The following ARHGAP26 variants were observed in gnomAD, a reference collection of about 807,000 sequenced individuals.
ARHGAP26 encodes Rho GTPase activating protein 26.
In ARHGAP26, 38 loss-of-function variants were observed where a neutral mutation model predicts 104.8. That is an observed-to-expected ratio of 0.36 (90% confidence interval 0.28 to 0.48). The LOEUF (loss-of-function observed/expected upper bound fraction) is 0.48. Among genes scored for constraint, ARHGAP26 ranks in the 20% least tolerant of loss-of-function variants. The pLI, the probability that ARHGAP26 is intolerant of heterozygous loss-of-function variation, is 0.99. For missense variants in ARHGAP26, 704 were observed against 947.9 expected (o/e 0.74, Z 3.38); for synonymous variants, 341 against 340.0 (o/e 1.00, Z -0.03).
intron 17 of ARHGAP26, among the ~76,000 whole-genome samples, chr5:143,089,901 C>T (rs1181560837): frequency 6.6e-6 from 1 of 152,066 alleles, no homozygotes; most frequent in Non-Finnish European, 1.5e-5. Flanking sequence ...TGATGAAATG[C>T]CAGGGTGAAA....
At chr5:142,929,798 A>G (rs1344172024) in intron 10 of ARHGAP26, among the ~76,000 whole-genome samples, 1 of 152,180 alleles carries the variant, frequency 6.6e-6, no homozygotes. Flanking sequence ...AGACCTTGGT[A>G]TGTAGACAGC....
intron 11 of ARHGAP26, among the ~76,000 whole-genome samples, chr5:142,974,886 C>T (rs1180867685): frequency 1.3e-5 from 2 of 152,156 alleles, no homozygotes; most frequent in Non-Finnish European, 2.9e-5. Context: ...TTTTGCTAGC[C>T]TCCCTTGTTC....
At chr5:142,797,470 G>T (rs1460907070) in intron 1 of ARHGAP26, among the ~76,000 whole-genome samples, 2 of 152,206 alleles carry the variant, frequency 1.3e-5, no homozygotes, top group South Asian at 2.1e-4. Context: ...GGAAGCTTTG[G>T]CAGAGACTTG....
At chr5:142,833,572 A>C (rs1412714666) in intron 1 of ARHGAP26, among the ~76,000 whole-genome samples, 1 of 152,146 alleles carries the variant, frequency 6.6e-6, no homozygotes, top group Non-Finnish European at 1.5e-5. Flanking sequence ...ATTTCCTTCA[A>C]ACAGACTCCT....
At chr5:142,880,344 C>G (rs1052647537) in intron 4 of ARHGAP26, among the ~76,000 whole-genome samples, 2 of 152,098 alleles carry the variant, frequency 1.3e-5, no homozygotes, top group Non-Finnish European at 2.9e-5. Context: ...ATGGCGAAAC[C>G]CCGTCTCTAC....
intron 11 of ARHGAP26, among the ~76,000 whole-genome samples, chr5:142,936,147 C>CA (rs1765391511): frequency 8.3e-6 from 1 of 120,384 alleles, no homozygotes; most frequent in African/African-American, 4.1e-5. Flanking sequence ...ACACACACAC[C>CA]CCTTCTATAA....
chr5:142,981,435 G>T (rs965865947), intron 11 of ARHGAP26, among the ~76,000 whole-genome samples: 4 of 152,150 alleles, frequency 2.6e-5, no homozygotes, highest in Non-Finnish European at 5.9e-5. Flanking sequence ...TGCCCTGGTG[G>T]TCTTTCTTGA....
chr5:143,120,935 T>G, intron 17 of ARHGAP26, 53 bp from the exon 18 acceptor site: 1 of 1,552,678 alleles, frequency 6.4e-7, no homozygotes, highest in Non-Finnish European at 8.8e-7. Flanking sequence ...GTGGTTGGTA[T>G]CTCTGTGTAC....
At chr5:143,025,443 C>T (rs1363205378) in intron 12 of ARHGAP26, among the ~76,000 whole-genome samples, 2 of 152,336 alleles carry the variant, frequency 1.3e-5, no homozygotes, top group African/African-American at 2.4e-5. Flanking sequence ...AGTTGGTTCT[C>T]TGTTTGAAAC....
chr5:142,893,714 A>G (rs987865001), intron 5 of ARHGAP26, among the ~76,000 whole-genome samples: 1 of 152,242 alleles, frequency 6.6e-6, no homozygotes, highest in African/African-American at 2.4e-5. Context: ...CATTCCCACC[A>G]TCAGTTCCCT....
rs11955858 is a variant in ARHGAP26, at chr5:143,094,148, G to A, written c.1539-26840G>A. 7.6e-3 allele frequency among the ~76,000 whole-genome samples: 1,152 copies of A among 152,350 alleles called. 15 individuals are homozygous for A. Among genetic ancestry groups the A allele is most frequent in the African/African-American group, 0.026 (1,093 of 41,586 alleles). On this transcript the variant is annotated intron_variant, in intron 17 of 22. Coordinates refer to ENST00000645722, the MANE Select transcript of ARHGAP26 (RefSeq NM_001135608.3). ...CTTTCCCTAATCCCGACTAAGGAAT[G>A]CTTTACCGCCCCTGCGGTTTCTTTC...
intron 21 of ARHGAP26, among the ~76,000 whole-genome samples, chr5:143,210,135 T>C (rs1230411885): frequency 6.6e-6 from 1 of 152,150 alleles, no homozygotes; most frequent in Non-Finnish European, 1.5e-5. Context: ...GATAAAAACA[T>C]ACCCGAGACT....
intron 17 of ARHGAP26, among the ~76,000 whole-genome samples, chr5:143,071,257 G>A (rs1199508704): frequency 6.6e-6 from 1 of 152,194 alleles, no homozygotes; most frequent in Non-Finnish European, 1.5e-5. Context: ...AAAGCAGCAT[G>A]GTACTGGCAT....
intron 1 of ARHGAP26, among the ~76,000 whole-genome samples, chr5:142,821,620 C>T (rs1766211151): frequency 6.6e-6 from 1 of 151,990 alleles, no homozygotes; most frequent in African/African-American, 2.4e-5. Flanking sequence ...AATCTTGGGC[C>T]CCATCTGGTA....
chr5:143,000,771 A>C (rs1484450696), intron 11 of ARHGAP26, among the ~76,000 whole-genome samples: 2 of 152,168 alleles, frequency 1.3e-5, no homozygotes, highest in African/African-American at 4.8e-5. Flanking sequence ...GCAGACTAAC[A>C]TAGGAACAAA....
intron 1 of ARHGAP26, among the ~76,000 whole-genome samples, chr5:142,836,035 G>A (rs1769485645): frequency 6.6e-6 from 1 of 152,210 alleles, no homozygotes; most frequent in Non-Finnish European, 1.5e-5. Context: ...TGAATCCAGG[G>A]CATTGGTACC....
At chr5:142,879,878 C>G (rs1756696863) in intron 4 of ARHGAP26, among the ~76,000 whole-genome samples, 1 of 152,142 alleles carries the variant, frequency 6.6e-6, no homozygotes, top group Non-Finnish European at 1.5e-5. Context: ...GGTACAGGGA[C>G]TTTCTTTAAA....
At chr5:143,196,590 G>A (rs1254358514) in intron 20 of ARHGAP26, among the ~76,000 whole-genome samples, 3 of 152,192 alleles carry the variant, frequency 2.0e-5, no homozygotes, top group African/African-American at 7.2e-5. Context: ...CATGCCTGGA[G>A]CTCATCTAAC....
chr5:142,957,491 A>T (rs1214179259), intron 11 of ARHGAP26, among the ~76,000 whole-genome samples: 2 of 152,170 alleles, frequency 1.3e-5, no homozygotes, highest in Admixed American at 6.5e-5. Context: ...TAGGGGATTC[A>T]CTTTGTGGCT....
Sources: allele counts gnomAD v4.1 joint callset (sites outside exome capture counted in the v4.1 genomes callset), GRCh38; gene constraint gnomAD v4.1.1; transcripts MANE v1.5; gene names NCBI Gene and HGNC (gene_info 2026-07-23, HGNC 2026-07-21).